The following MAMLD1 variants were observed in gnomAD, a reference collection of about 807,000 sequenced individuals.
The protein encoded by MAMLD1 is mastermind like domain containing 1, also known as mastermind-like domain-containing protein 1.
Under a neutral mutation model 45.0 loss-of-function variants are expected in MAMLD1, and 14 were observed. That is an observed-to-expected ratio of 0.31 (90% CI 0.21 to 0.49). The LOEUF is 0.49. Among genes scored for constraint, MAMLD1 ranks in the 20% least tolerant of loss-of-function variants. The pLI, the probability that MAMLD1 is intolerant of heterozygous loss-of-function variation, is 0.99. For synonymous variants in MAMLD1, 254 were observed against 247.8 expected, an observed-to-expected ratio of 1.02 and a Z score of -0.24; for missense variants, 543 against 603.6, an observed-to-expected ratio of 0.90 and a Z score of 1.05.
At chrX:150,381,085 C>T (rs1314945549) in intron 1 of MAMLD1, among the ~76,000 whole-genome samples, 1 of 110,622 alleles carries the variant, frequency 9.0e-6, no homozygotes, top group Admixed American at 9.5e-5. Flanking sequence ...TGAAAAGTCA[C>T]CATTATTATA....
chrX:150,479,070 G>GT (rs782400522), intron 5 of MAMLD1, among the ~76,000 whole-genome samples: 11,143 of 109,501 alleles, frequency 0.1, 580 homozygotes, highest in Non-Finnish European at 0.15. Context: ...TCAAAAAAAA[G>GT]TTTTTTTTTC....
chrX:150,375,894 T>C (rs146535330), intron 1 of MAMLD1, among the ~76,000 whole-genome samples: 1,217 of 111,828 alleles, frequency 0.011, 8 homozygotes, highest in Non-Finnish European at 0.017. Flanking sequence ...AGTTTGTAAA[T>C]TGGAAAGTTT....
At chrX:150,477,883 G>A (rs2148313704) in intron 5 of MAMLD1, among the ~76,000 whole-genome samples, 1 of 111,517 alleles carries the variant, frequency 9.0e-6, no homozygotes, top group East Asian at 2.8e-4. Context: ...TGAACAGGGC[G>A]GAAAGCGTGT....
chrX:150,455,989 T>C (rs1342970045), intron 2 of MAMLD1, among the ~76,000 whole-genome samples: 1 of 111,074 alleles, frequency 9.0e-6, no homozygotes, highest in Non-Finnish European at 1.9e-5. Flanking sequence ...CACTGCTATC[T>C]GGCACTATCC....
At position 150,387,641 on chromosome X, in the gene MAMLD1, G is replaced by C. The variant is rs190573549; in HGVS notation, c.-64+24111G>C. On this transcript the variant is annotated intron_variant, in intron 1 of 7. Transcript: ENST00000370401. ...CAACCCTTCATGTATACCAAGGGAG[G>C]ATTGTAAAATATTATCTGTAAAGTT... Among the ~76,000 whole-genome samples, 3 of 111,842 alleles carry C rather than the reference G, an allele frequency of 2.7e-5. No individual in the cohort carries two copies. In the Admixed American group the frequency reaches 2.8e-4, roughly 11 times the overall value.
At chrX:150,398,301 A>C (rs868912457) in intron 1 of MAMLD1, among the ~76,000 whole-genome samples, 1 of 95,573 alleles carries the variant, frequency 1.0e-5, no homozygotes, top group African/African-American at 4.0e-5. Context: ...AAGAAGAAGA[A>C]GAAGAAGAAG....
intron 1 of MAMLD1, among the ~76,000 whole-genome samples, chrX:150,444,397 C>T (rs901016991): frequency 8.9e-6 from 1 of 111,886 alleles, no homozygotes. Flanking sequence ...TGCCCATTGG[C>T]ATTCTGGGTT....
At position 150,386,045 on chromosome X, in the gene MAMLD1, G is replaced by A. The variant is rs782579641; in HGVS notation, c.-64+22515G>A. ...GTCTTCTGTTATTTCCTCTGGCATG[G>A]TGTCTATTAGCTCTATAATTTCTCC... On this transcript the variant is annotated intron_variant, in intron 1 of 7. Transcript: ENST00000370401. Among the ~76,000 whole-genome samples, 3 of 110,273 alleles carry A rather than the reference G, an allele frequency of 2.7e-5. No individual in the cohort carries two copies. The East Asian group carries it at 8.5e-4, about 31-fold the overall frequency.
Position 150,512,065 on chromosome X carries a change from G to T in MAMLD1, c.*106G>T. ...TCAAGGCAAGCCCCCCATCTAGCAAGCACTTGATGCCACCCAGAACTGGGC... is the reference window on the plus strand; with the variant it reads ...TCAAGGCAAGCCCCCCATCTAGCAATCACTTGATGCCACCCAGAACTGGGC... On this transcript the variant is annotated 3_prime_UTR_variant, in exon 8 of 8. Transcript: ENST00000370401. 8.9e-7 allele frequency: 1 copy of T among 1,129,918 alleles called. No individual in the cohort carries two copies. Among genetic ancestry groups the T allele is most frequent in the Non-Finnish European group, 1.2e-6 (1 of 858,610 alleles). The allele number at this position is 1,129,918 out of a possible 1,213,427, so 93.1% of individuals were successfully genotyped here. A position where few individuals can be genotyped will look rare whatever the true frequency, so the allele number is the denominator to read the frequency against.
chrX:150,436,474 A>G, intron 1 of MAMLD1, among the ~76,000 whole-genome samples: 2 of 112,044 alleles, frequency 1.8e-5, no homozygotes, highest in South Asian at 7.5e-4. Flanking sequence ...GCCAGTCTTC[A>G]AGCTCTGAGA....
chrX:150,416,083 C>T (rs936454225), intron 1 of MAMLD1, among the ~76,000 whole-genome samples: 3 of 111,763 alleles, frequency 2.7e-5, no homozygotes, highest in Non-Finnish European at 3.8e-5. Context: ...AGTTAACTAG[C>T]ACATTGCACA....
intron 1 of MAMLD1, among the ~76,000 whole-genome samples, chrX:150,381,528 A>T (rs1156406351): frequency 6.2e-5 from 7 of 112,447 alleles, no homozygotes; most frequent in Admixed American, 9.4e-5. Context: ...TTCCCTCCTG[A>T]TCTGCTCTAC....
At chrX:150,378,111 C>T (rs1046688958) in intron 1 of MAMLD1, among the ~76,000 whole-genome samples, 3 of 111,976 alleles carry the variant, frequency 2.7e-5, no homozygotes, top group African/African-American at 9.7e-5. Context: ...TGCATTCAGT[C>T]GTTTTGTCTC....
At chrX:150,463,969 A>G (rs1236457562) in intron 3 of MAMLD1, among the ~76,000 whole-genome samples, 1 of 112,242 alleles carries the variant, frequency 8.9e-6, no homozygotes. Context: ...CAACACGAAG[A>G]CACAGGGCCT....
intron 1 of MAMLD1, among the ~76,000 whole-genome samples, chrX:150,406,408 G>C (rs1223349725): frequency 5.4e-5 from 6 of 111,065 alleles, no homozygotes; most frequent in African/African-American, 2.0e-4. Context: ...ACCTCAAAGA[G>C]CCTTCATTGT....
At chrX:150,367,616 T>A (rs906328329) in intron 1 of MAMLD1, among the ~76,000 whole-genome samples, 15 of 111,908 alleles carry the variant, frequency 1.3e-4, no homozygotes, top group South Asian at 1.1e-3. Context: ...CGTGCAGGTT[T>A]GTTACATATG....
intron 6 of MAMLD1, 43 bp downstream of exon 6, chrX:150,503,560 C>A (rs782630521): frequency 1.2e-6 from 1 of 810,566 alleles, no homozygotes; most frequent in Non-Finnish European, 1.8e-6. Context: ...CATCTGTCAA[C>A]GGGGCACAGT....
chrX:150,445,629 TGGG>T lies in MAMLD1; in HGVS notation c.96+21_96+23del. 9.4e-7 allele frequency: 1 copy of T among 1,065,462 alleles called. No individual in the cohort carries two copies. Among genetic ancestry groups the T allele is most frequent in the Non-Finnish European group, 1.3e-6 (1 of 765,477 alleles). 87.8% of individuals were successfully genotyped at this position (1,065,462 alleles called of 1,213,427 possible). On this transcript the variant is annotated intron_variant, in intron 2 of 7. Coordinates refer to ENST00000370401, the MANE Select transcript of MAMLD1 (RefSeq NM_005491.5). ...CAGGAATCGGTCAGACAATGGGCCA[TGGG>T]GGGAGGGGGGTATTTAATGCTTCTA... is the stretch of plus-strand genomic sequence containing the variant.
chrX:150,465,987 A>T (rs1043990556), intron 3 of MAMLD1, among the ~76,000 whole-genome samples: 1 of 112,172 alleles, frequency 8.9e-6, no homozygotes, highest in Non-Finnish European at 1.9e-5. Flanking sequence ...TGGCTGTGGG[A>T]TTTAGTCAGA....
Sources: gnomAD v4.1 joint callset for allele counts (sites outside exome capture counted in the v4.1 genomes callset) on GRCh38, gnomAD v4.1.1 for gene constraint, MANE v1.5 for transcripts, NCBI Gene and HGNC (gene_info 2026-07-23, HGNC 2026-07-21) for gene names.